Variants in RABGAP1L observed in about 807,000 individuals in gnomAD.
The protein encoded by RABGAP1L is rab GTPase-activating protein 1-like.
RABGAP1L carries 63 observed loss-of-function variants against 137.7 expected under a neutral mutation model. The observed-to-expected ratio is 0.46, with a 90% CI of 0.37 to 0.56. The LOEUF is 0.56. Among genes scored for constraint, RABGAP1L ranks in the 20% least tolerant of loss-of-function variants. The probability of loss-of-function intolerance (pLI) is 0.00; values close to 1 mark genes in which losing one functional copy is unlikely to be tolerated. For missense variants in RABGAP1L, 1,095 were observed against 1,244.0 expected (o/e 0.88, Z 1.80); for synonymous variants, 431 against 433.7 (o/e 0.99, Z 0.08).
chr1:174,520,838 TA>T (rs1226723597), intron 13 of RABGAP1L, among the ~76,000 whole-genome samples: 1 of 151,938 alleles, frequency 6.6e-6, no homozygotes, highest in African/African-American at 2.4e-5. Context: ...CCGTCTCTAC[TA>T]AAAATATAAA....
At chr1:174,701,773 A>G (rs1045494017) in intron 16 of RABGAP1L, among the ~76,000 whole-genome samples, 9 of 151,960 alleles carry the variant, frequency 5.9e-5, no homozygotes, top group Non-Finnish European at 1.0e-4. Flanking sequence ...TTAACCCTGA[A>G]TGGGGATGCT....
At chr1:174,946,945 T>G (rs1666944094) in intron 19 of RABGAP1L, among the ~76,000 whole-genome samples, 1 of 58,062 alleles carries the variant, frequency 1.7e-5, no homozygotes. Flanking sequence ...TATATATGTG[T>G]GTGTGTGTGT....
At chr1:174,463,759 A>G (rs1020742626) in intron 13 of RABGAP1L, among the ~76,000 whole-genome samples, 2 of 152,106 alleles carry the variant, frequency 1.3e-5, no homozygotes, top group African/African-American at 4.8e-5. Context: ...AATCAAAACC[A>G]CAATGAGATA....
chr1:174,384,967 T>C (rs185996737), intron 12 of RABGAP1L, among the ~76,000 whole-genome samples: 57 of 152,360 alleles, frequency 3.7e-4, no homozygotes, highest in African/African-American at 1.3e-3. Context: ...TTATTTATCT[T>C]ATATCTGGCT....
At chr1:174,454,611 C>T (rs1655825019) in intron 13 of RABGAP1L, among the ~76,000 whole-genome samples, 3 of 143,854 alleles carry the variant, frequency 2.1e-5, no homozygotes, top group East Asian at 2.0e-4. Flanking sequence ...AGGGCAGTGG[C>T]GCTATCTCTG....
intron 1 of RABGAP1L, among the ~76,000 whole-genome samples, chr1:174,165,533 C>T (rs905887797): frequency 6.6e-6 from 1 of 151,446 alleles, no homozygotes; most frequent in Admixed American, 6.6e-5. Flanking sequence ...GCATCTCACT[C>T]CCGTTACTCA....
chr1:174,946,037 T>TCTC (rs199550298), intron 19 of RABGAP1L: 1 of 132,328 alleles, frequency 7.6e-6, no homozygotes, highest in Non-Finnish European at 1.6e-5. Context: ...TCTCTCTCTC[T>TCTC]TTTTTTTTTT....
intron 9 of RABGAP1L, among the ~76,000 whole-genome samples, chr1:174,277,440 C>T (rs374035953): frequency 6.6e-6 from 1 of 151,658 alleles, no homozygotes; most frequent in Non-Finnish European, 1.5e-5. Context: ...TTTAATGTAA[C>T]ACCTAGTTTA....
At chr1:174,621,653 T>C (rs1218526127) in intron 13 of RABGAP1L, among the ~76,000 whole-genome samples, 1 of 152,166 alleles carries the variant, frequency 6.6e-6, no homozygotes, top group Non-Finnish European at 1.5e-5. Flanking sequence ...TAGCCATATG[T>C]AGAAAGCTGA....
chr1:174,201,435 T>G (rs1375109617), intron 1 of RABGAP1L, among the ~76,000 whole-genome samples: 1 of 152,112 alleles, frequency 6.6e-6, no homozygotes, highest in Non-Finnish European at 1.5e-5. Context: ...TGAGCTCAGG[T>G]GATCCGCCCA....
chr1:174,390,623 G>A (rs1044251722), intron 12 of RABGAP1L, among the ~76,000 whole-genome samples: 2 of 152,198 alleles, frequency 1.3e-5, no homozygotes, highest in African/African-American at 4.8e-5. Context: ...TCCAGTGAAT[G>A]TTAGGAGGCT....
At chr1:174,706,715 C>T (rs551725445) in intron 17 of RABGAP1L, among the ~76,000 whole-genome samples, 85 of 152,282 alleles carry the variant, frequency 5.6e-4, no homozygotes, top group African/African-American at 1.9e-3. Context: ...TTCAGAAACC[C>T]TCTTCCCCTT....
chr1:174,216,309 T>C (rs1265393692), intron 1 of RABGAP1L, among the ~76,000 whole-genome samples: 1 of 152,168 alleles, frequency 6.6e-6, no homozygotes, highest in Non-Finnish European at 1.5e-5. Flanking sequence ...ATTGAATTGC[T>C]TCTAACACAA....
Position 174,811,859 on chromosome 1 carries a change from G to A in RABGAP1L, c.2239G>A (p.Asp747Asn). Residue 747 changes from aspartate to asparagine, a missense_variant, in exon 19 of 26, where the codon GAT (aspartate) becomes AAT (asparagine). Physicochemically the swap from Asp to Asn is conservative, Grantham distance 23. This residue lies in a region of RABGAP1L where 312 missense variants were observed against 435.6 expected (regional missense o/e 0.72). Transcript: ENST00000681986. ...CTCAAAGGAAGACCTTCTGCAGGCT[G>A]ATTTTGAAGGTGCTTTAAAGTTCTT... ...KTSKEDLLQA[D>N]FEGALKFFRV... is the part of the protein sequence containing the mutation. The A allele has an allele frequency of 6.2e-7, 1 of 1,601,958 alleles. No individual in the cohort carries two copies. The highest frequency in any genetic ancestry group is 8.5e-7 in the Non-Finnish European group (1 of 1,174,308).
At chr1:174,911,957 C>T (rs962033446) in intron 19 of RABGAP1L, among the ~76,000 whole-genome samples, 2 of 152,186 alleles carry the variant, frequency 1.3e-5, no homozygotes, top group South Asian at 2.1e-4. Flanking sequence ...CTGGACAGAT[C>T]AGCTCACATC....
chr1:174,838,917 CAAAAAAAAAAAAAAAAAAAAA>C lies in RABGAP1L; in HGVS notation c.2340+26974_2340+26994del, dbSNP rs58265128. ...TGGGCGACAAAGCGAGACTCCGTCT[CAAAAAAAAAAAAAAAAAAAAA>C]AAAAAAAAAAAAAAAATGACATGAG... On this transcript the variant is annotated intron_variant, in intron 19 of 25. Coordinates refer to ENST00000681986, the MANE Select transcript of RABGAP1L (RefSeq NM_001366446.1). 1.7e-3 allele frequency among the ~76,000 whole-genome samples: 38 copies of C among 22,454 alleles called. 1 individual carries two copies. In the East Asian group the frequency reaches 0.043, roughly 25 times the overall value. The allele number at this position is 22,454 out of a possible 152,430, so 14.7% of individuals were successfully genotyped here.
chr1:174,651,501 T>G (rs1376945815), intron 14 of RABGAP1L, among the ~76,000 whole-genome samples: 1 of 152,172 alleles, frequency 6.6e-6, no homozygotes, highest in East Asian at 1.9e-4. Flanking sequence ...AGGACTTGCT[T>G]TATGAATCTG....
At position 174,861,029 on chromosome 1, in the gene RABGAP1L, A is replaced by G. The variant is rs574323798; in HGVS notation, c.2340+49069A>G. ...CATGAACTTGTAGTCACCATACTGT[A>G]TATTAGATCCTCAGAACTTTGTCAT... On this transcript the variant is annotated intron_variant, in intron 19 of 25. Transcript: ENST00000681986. Among the ~76,000 whole-genome samples the G allele has an allele frequency of 3.9e-5, 6 of 152,284 alleles. No homozygotes were observed. The East Asian group carries it at 9.6e-4, about 24-fold the overall frequency.
intron 13 of RABGAP1L, among the ~76,000 whole-genome samples, chr1:174,620,850 G>A (rs1672387701): frequency 6.6e-6 from 1 of 152,112 alleles, no homozygotes; most frequent in South Asian, 2.1e-4. Context: ...ACAGGAGCTG[G>A]TTTTTTGAAA....
Sources: gnomAD v4.1 joint callset for allele counts (sites outside exome capture counted in the v4.1 genomes callset) on GRCh38, gnomAD v4.1.1 for gene constraint, gnomAD v4.1.1 regional missense constraint, MANE v1.5 for transcripts, NCBI Gene and HGNC (gene_info 2026-07-23, HGNC 2026-07-21) for gene names.